Variants in ZBTB7C observed in about 807,000 individuals in gnomAD.
ZBTB7C encodes zinc finger and BTB domain-containing protein 7C.
Under a neutral mutation model 25.7 loss-of-function variants are expected in ZBTB7C, and 8 were observed. That is an observed-to-expected ratio of 0.31 (90% CI 0.18 to 0.56). The LOEUF is 0.56. Ranked by LOEUF, ZBTB7C falls within the 20% of genes least tolerant of loss-of-function variation. The probability of loss-of-function intolerance (pLI) is 0.91; values close to 1 mark genes in which losing one functional copy is unlikely to be tolerated. For missense variants in ZBTB7C, 824 were observed against 855.2 expected, an observed-to-expected ratio of 0.96 and a Z score of 0.46; for synonymous variants, 394 against 369.0, an observed-to-expected ratio of 1.07 and a Z score of -0.78.
chr18:48,048,922 G>A (rs1444171473), intron 3 of ZBTB7C, among the ~76,000 whole-genome samples: 1 of 152,108 alleles, frequency 6.6e-6, no homozygotes, highest in Non-Finnish European at 1.5e-5. Context: ...TTTTACAGAT[G>A]AGAAAATTAG....
intron 2 of ZBTB7C, among the ~76,000 whole-genome samples, chr18:48,212,845 T>A (rs145384158): frequency 3.7e-4 from 57 of 152,066 alleles, no homozygotes; most frequent in African/African-American, 1.3e-3. Context: ...GGAGAGTTAA[T>A]CCAGGTGTGG....
intron 3 of ZBTB7C, among the ~76,000 whole-genome samples, chr18:48,048,249 G>A (rs2036550823): frequency 6.6e-6 from 1 of 152,220 alleles, no homozygotes; most frequent in African/African-American, 2.4e-5. Flanking sequence ...GGCCTTGTCT[G>A]AGCTGTGAAG....
chr18:48,392,894 A>G (rs2047934309), intron 1 of ZBTB7C, among the ~76,000 whole-genome samples: 1 of 152,068 alleles, frequency 6.6e-6, no homozygotes, highest in African/African-American at 2.4e-5. Flanking sequence ...AAGCTGGGAG[A>G]CCGCGATCCA....
In ZBTB7C at chr18:48,268,958, C is replaced by CTTTTT. The variant is rs140699441; in HGVS notation, c.-79+69211_-79+69215dup. ...TGTCTAGTAAGGGCTTGCTCTGTTT[C>CTTTTT]TTTTTTTTTTTTTTTTTTTTGAGAC... On this transcript the variant is annotated intron_variant, in intron 2 of 4. Coordinates refer to ENST00000590800, the MANE Select transcript of ZBTB7C (RefSeq NM_001318841.2). Among the ~76,000 whole-genome samples, 8 of 118,974 alleles carry CTTTTT rather than the reference C, an allele frequency of 6.7e-5. 1 individual carries two copies. Among genetic ancestry groups the CTTTTT allele is most frequent in the Admixed American group, 2.7e-4 (3 of 11,036 alleles). 78.1% of individuals were successfully genotyped at this position (118,974 alleles called of 152,430 possible). A position where few individuals can be genotyped will look rare whatever the true frequency, so the allele number is the denominator to read the frequency against.
rs578054229 is a variant in ZBTB7C at position 48,408,017 on chromosome 18, C to G, written c.-304+1209G>C. 2.0e-5 allele frequency among the ~76,000 whole-genome samples: 3 copies of G among 152,326 alleles called. No individual in the cohort carries two copies. The South Asian group carries it at 6.2e-4, about 32-fold the overall frequency. Reference sequence around the variant, plus strand: ...TCTCCCAGGTCTGGGCACAGTATATCTTCTTTTAAGGGGTCTTCCCTTCCC... The same window carrying G: ...TCTCCCAGGTCTGGGCACAGTATATGTTCTTTTAAGGGGTCTTCCCTTCCC... On this transcript the variant is annotated intron_variant, in intron 1 of 4. Coordinates refer to ENST00000590800, the MANE Select transcript of ZBTB7C (RefSeq NM_001318841.2).
intron 3 of ZBTB7C, among the ~76,000 whole-genome samples, chr18:48,174,105 T>C (rs1272199859): frequency 6.6e-6 from 1 of 152,258 alleles, no homozygotes; most frequent in Non-Finnish European, 1.5e-5. Flanking sequence ...GAAGAAAAGA[T>C]TGGATAATTT....
At position 48,255,267 on chromosome 18, in the gene ZBTB7C, G is replaced by A. The variant is rs547341117; in HGVS notation, c.-78-69272C>T. ...ACTGACCCAGAACTTACAATTAGCAGAGAAAGACAATGAAAAAGGTATTAT... is the reference window on the plus strand; with the variant it reads ...ACTGACCCAGAACTTACAATTAGCAAAGAAAGACAATGAAAAAGGTATTAT... On this transcript the variant is annotated intron_variant, in intron 2 of 4. Coordinates refer to ENST00000590800, the MANE Select transcript of ZBTB7C (RefSeq NM_001318841.2). 4.6e-5 allele frequency among the ~76,000 whole-genome samples: 7 copies of A among 152,256 alleles called. No individual in the cohort carries two copies. In the East Asian group the frequency reaches 1.2e-3, roughly 25 times the overall value.
chr18:48,292,197 C>CAA (rs572843784), intron 2 of ZBTB7C, among the ~76,000 whole-genome samples: 15 of 143,728 alleles, frequency 1.0e-4, no homozygotes, highest in African/African-American at 3.0e-4. Flanking sequence ...GACTCCATCT[C>CAA]AAAAAAAAAA....
intron 3 of ZBTB7C, among the ~76,000 whole-genome samples, chr18:48,185,727 G>C (rs894338468): frequency 2.0e-5 from 3 of 152,138 alleles, no homozygotes; most frequent in African/African-American, 7.2e-5. Context: ...TCCACTTAGA[G>C]GGCAGAGCCA....
intron 2 of ZBTB7C, among the ~76,000 whole-genome samples, chr18:48,249,841 T>C (rs1014978097): frequency 6.6e-6 from 1 of 152,158 alleles, no homozygotes; most frequent in Admixed American, 6.5e-5. Context: ...CTGTGGAGTT[T>C]AAAGGCAATG....
intron 2 of ZBTB7C, among the ~76,000 whole-genome samples, chr18:48,210,082 G>A (rs1410618122): frequency 6.6e-6 from 1 of 152,156 alleles, no homozygotes; most frequent in South Asian, 2.1e-4. Flanking sequence ...AATATCATTA[G>A]CCACCAGGGA....
chr18:48,040,354 C>G lies in ZBTB7C; in HGVS notation c.754G>C (p.Ala252Pro). Residue 252 changes from alanine to proline, a missense_variant, in exon 4 of 5, where the codon GCC becomes CCC. Physicochemically the swap from Ala to Pro is conservative, Grantham distance 27. Around this residue, in one of 4 missense-constraint regions of ZBTB7C, gnomAD observed 316 missense variants for 299.2 expected, o/e 1.06. Transcript: ENST00000590800. ...PDRRPSLSPFAPDFFPHLWPG... is the reference protein window; with the variant it reads ...PDRRPSLSPFPPDFFPHLWPG... ...CAGAGGTGTGGAAAGAAGTCCGGGG[C>G]GAATGGAGACAAGGAGGGTCTCCTG... is the stretch of plus-strand genomic sequence containing the variant. 1 of 1,609,036 alleles carries G rather than the reference C, an allele frequency of 6.2e-7. No homozygotes were observed. Among genetic ancestry groups the G allele is most frequent in the Non-Finnish European group, 8.5e-7 (1 of 1,177,460 alleles).
chr18:48,119,982 G>A (rs902421487), intron 3 of ZBTB7C, among the ~76,000 whole-genome samples: 4 of 152,110 alleles, frequency 2.6e-5, no homozygotes, highest in African/African-American at 7.2e-5. Flanking sequence ...TTAGGCTGGC[G>A]TTTCTCGAAC....
At chr18:48,359,518 T>C (rs936506200) in intron 1 of ZBTB7C, among the ~76,000 whole-genome samples, 1 of 151,940 alleles carries the variant, frequency 6.6e-6, no homozygotes, top group Non-Finnish European at 1.5e-5. Context: ...ACAGGCCAGA[T>C]GTACGAAGGA....
chr18:48,194,128 G>A (rs1217575180), intron 2 of ZBTB7C, among the ~76,000 whole-genome samples: 1 of 152,242 alleles, frequency 6.6e-6, no homozygotes, highest in African/African-American at 2.4e-5. Flanking sequence ...AGGAAGGGGA[G>A]GGCAGATGAG....
At chr18:48,038,443 C>A (rs1468820603) in intron 4 of ZBTB7C, among the ~76,000 whole-genome samples, 1 of 152,146 alleles carries the variant, frequency 6.6e-6, no homozygotes, top group African/African-American at 2.4e-5. Context: ...CTATTTCAGC[C>A]ACACCAGTGT....
At chr18:48,357,581 C>T (rs913859078) in intron 1 of ZBTB7C, among the ~76,000 whole-genome samples, 2 of 152,204 alleles carry the variant, frequency 1.3e-5, no homozygotes, top group South Asian at 2.1e-4. Flanking sequence ...TTGCCTTTCC[C>T]CAGCAGCACA....
intron 2 of ZBTB7C, among the ~76,000 whole-genome samples, chr18:48,223,917 C>T (rs565710998): frequency 1.4e-4 from 22 of 152,284 alleles, no homozygotes; most frequent in African/African-American, 4.1e-4. Context: ...GAGACAGAAG[C>T]GGCTCACAGG....
rs1223661928 is a variant in ZBTB7C at position 48,228,741 on chromosome 18, T to TCACACA, written c.-78-42747_-78-42746insTGTGTG. ...GAGTCTCTCTCTCTCTGTCTCTCTC[T>TCACACA]CTCTCTCACACACACACACACACAC... On this transcript the variant is annotated intron_variant, in intron 2 of 4. Transcript: ENST00000590800. Among the ~76,000 whole-genome samples the TCACACA allele has an allele frequency of 1.7e-3, 116 of 66,328 alleles. 2 individuals carry two copies. The South Asian group carries it at 0.025, about 14-fold the overall frequency. The allele number at this position is 66,328 out of a possible 152,430, so 43.5% of individuals were successfully genotyped here. A position where few individuals can be genotyped will look rare whatever the true frequency, so the allele number is the denominator to read the frequency against.
Sources: gnomAD v4.1 joint callset for allele counts (sites outside exome capture counted in the v4.1 genomes callset) on GRCh38, gnomAD v4.1.1 for gene constraint, gnomAD v4.1.1 regional missense constraint, MANE v1.5 for transcripts, NCBI Gene and HGNC (gene_info 2026-07-23, HGNC 2026-07-21) for gene names.